AFAP1: variants seen among roughly 807,000 people sequenced by gnomAD.
AFAP1 encodes the protein actin filament-associated protein 1.
A neutral mutation model predicts 93.9 loss-of-function variants in AFAP1; 75 were observed. The observed-to-expected ratio is 0.80, with a 90% CI of 0.66 to 0.97. The LOEUF (loss-of-function observed/expected upper bound fraction) is 0.97, where lower values mean the gene tolerates loss of function less well. Ranked by LOEUF, AFAP1 falls within the 50% of genes least tolerant of loss-of-function variation. The pLI is 0.00. For missense variants in AFAP1, 1,201 were observed against 1,050.8 expected, an observed-to-expected ratio of 1.14 and a Z score of -1.98; for synonymous variants, 517 against 430.7, an observed-to-expected ratio of 1.20 and a Z score of -2.48.
chr4:7,826,969 T>C (rs1000983860), intron 6 of AFAP1, among the ~76,000 whole-genome samples: 3 of 151,670 alleles, frequency 2.0e-5, no homozygotes, highest in African/African-American at 7.3e-5. Flanking sequence ...ATAACTAAAA[T>C]AAAACATGCT....
chr4:7,934,958 C>A (rs1489144993), intron 1 of AFAP1, among the ~76,000 whole-genome samples: 1 of 152,084 alleles, frequency 6.6e-6, no homozygotes, highest in African/African-American at 2.4e-5. Context: ...AATACCTTTG[C>A]AAAATATTAA....
chr4:7,870,159 A>G (rs1342903326), intron 2 of AFAP1, among the ~76,000 whole-genome samples: 2 of 152,214 alleles, frequency 1.3e-5, no homozygotes, highest in African/African-American at 2.4e-5. Context: ...ACTGAAGTAT[A>G]AAAAGCTTAA....
chr4:7,861,707 A>C (rs1445033190), intron 3 of AFAP1, among the ~76,000 whole-genome samples: 5 of 152,282 alleles, frequency 3.3e-5, no homozygotes, highest in African/African-American at 4.8e-5. Context: ...AGTGGAATCC[A>C]GCCATAAAGC....
At chr4:7,842,301 C>CAAAAAAAAAAAAAAAAAAAGAAAAA (rs1713114625) in intron 5 of AFAP1, among the ~76,000 whole-genome samples, 1 of 94,898 alleles carries the variant, frequency 1.1e-5, no homozygotes, top group African/African-American at 4.1e-5. Context: ...CCTGGATTTA[C>CAAAAAAAAAAAAAAAAAAAGAAAAA]AAAAAAAAAA....
chr4:7,769,571 T>C (rs1715122268), intron 16 of AFAP1, among the ~76,000 whole-genome samples: 1 of 151,902 alleles, frequency 6.6e-6, no homozygotes, highest in Admixed American at 6.6e-5. Context: ...AGGCTGAAAA[T>C]AGAACAACAT....
At chr4:7,880,003 C>CTT (rs1378630615) in intron 1 of AFAP1, among the ~76,000 whole-genome samples, 1 of 151,884 alleles carries the variant, frequency 6.6e-6, no homozygotes, top group African/African-American at 2.4e-5. Context: ...ATCCCACAGC[C>CTT]CTAAAGAAGC....
chr4:7,918,051 G>A (rs1720186521), intron 1 of AFAP1, among the ~76,000 whole-genome samples: 2 of 152,224 alleles, frequency 1.3e-5, no homozygotes, highest in Admixed American at 1.3e-4. Flanking sequence ...AAAAGAACTA[G>A]TGCACAGCCC....
chr4:7,906,929 G>A (rs1257118922), intron 1 of AFAP1, among the ~76,000 whole-genome samples: 1 of 151,786 alleles, frequency 6.6e-6, no homozygotes, highest in Non-Finnish European at 1.5e-5. Context: ...TTGAACTCGG[G>A]AGGCGGAGGT....
At chr4:7,887,713 T>C (rs777048965) in intron 1 of AFAP1, among the ~76,000 whole-genome samples, 41 of 149,364 alleles carry the variant, frequency 2.7e-4, no homozygotes, top group Non-Finnish European at 5.7e-4. Context: ...GGGCAACACA[T>C]GGTTTCAGTA....
At chr4:7,913,441 T>G (rs1326686819) in intron 1 of AFAP1, among the ~76,000 whole-genome samples, 1 of 151,960 alleles carries the variant, frequency 6.6e-6, no homozygotes, top group Non-Finnish European at 1.5e-5. Context: ...AAGATGGGTA[T>G]TGTCTTTGTG....
chr4:7,882,943 G>A (rs995200935), intron 1 of AFAP1, among the ~76,000 whole-genome samples: 2 of 152,186 alleles, frequency 1.3e-5, no homozygotes, highest in African/African-American at 4.8e-5. Context: ...CCAGCACTCT[G>A]GGAGGCCTAG....
At chr4:7,765,655 C>T (rs1051428832) in intron 17 of AFAP1, among the ~76,000 whole-genome samples, 25 of 152,204 alleles carry the variant, frequency 1.6e-4, no homozygotes, top group African/African-American at 5.5e-4. Flanking sequence ...AAAGAGCAGA[C>T]CCAGGTCAGA....
At chr4:7,879,111 T>A (rs1717691861) in intron 1 of AFAP1, among the ~76,000 whole-genome samples, 1 of 152,164 alleles carries the variant, frequency 6.6e-6, no homozygotes, top group Non-Finnish European at 1.5e-5. Flanking sequence ...ACTTCCTCAA[T>A]GTACTGAGGA....
At chr4:7,910,680 T>TC (rs892814517) in intron 1 of AFAP1, among the ~76,000 whole-genome samples, 20 of 152,212 alleles carry the variant, frequency 1.3e-4, no homozygotes, top group South Asian at 4.1e-4. Context: ...CGTGAGTGCA[T>TC]CCACAGGCAG....
At position 7,800,575 on chromosome 4, in the gene AFAP1, T is replaced by G. The variant is rs765509771; in HGVS notation, c.1133A>C (p.Lys378Thr). The change falls in exon 10 of 18, where the codon AAG becomes ACG. Residue 378 changes from lysine (K) to threonine (T), a missense_variant. By Grantham distance (78) the Lys-to-Thr change is moderately conservative. Transcript: ENST00000420658. ...ATGGGTCTTCAGGTCGGTCCTGTCC[T>G]TGTGGAAAATGAGCTTGTTATCTTT... ...RVKDNKLIFH[K>T]DRTDLKTHIV... 6 of 1,614,224 alleles carry G rather than the reference T, an allele frequency of 3.7e-6. No individual in the cohort carries two copies. The highest frequency in any genetic ancestry group is 5.1e-6 in the Non-Finnish European group (6 of 1,180,044).
intron 3 of AFAP1, among the ~76,000 whole-genome samples, chr4:7,855,822 G>A (rs571362739): frequency 3.3e-5 from 5 of 152,326 alleles, no homozygotes; most frequent in South Asian, 4.1e-4. Context: ...CAGGTTCGGT[G>A]TGTGCAGCAG....
At chr4:7,791,283 T>C (rs1275969545) in intron 11 of AFAP1, among the ~76,000 whole-genome samples, 1 of 152,180 alleles carries the variant, frequency 6.6e-6, no homozygotes, top group Non-Finnish European at 1.5e-5. Context: ...TTTGTTTTCA[T>C]TCACTTCCCT....
intron 10 of AFAP1, among the ~76,000 whole-genome samples, chr4:7,799,485 C>T (rs73084455): frequency 1.3e-5 from 2 of 152,346 alleles, no homozygotes; most frequent in African/African-American, 4.8e-5. Context: ...ACTGTGCACG[C>T]ATGTAGAGCC....
chr4:7,889,411 G>A (rs1440196754), intron 1 of AFAP1, among the ~76,000 whole-genome samples: 1 of 151,666 alleles, frequency 6.6e-6, no homozygotes, highest in Non-Finnish European at 1.5e-5. Context: ...AGCCAGGCGT[G>A]GTGGCACGTG....
Sources: gnomAD v4.1 joint callset for allele counts (sites outside exome capture counted in the v4.1 genomes callset) on GRCh38, gnomAD v4.1.1 for gene constraint, MANE v1.5 for transcripts, NCBI Gene and HGNC (gene_info 2026-07-23, HGNC 2026-07-21) for gene names.